Variants in GARNL3 observed in about 807,000 individuals in gnomAD.
GARNL3 encodes GTPase-activating Rap/Ran-GAP domain-like protein 3.
GARNL3 carries 63 observed loss-of-function variants against 125.0 expected under a neutral mutation model. The observed-to-expected ratio is 0.50, with a 90% CI of 0.41 to 0.62. GARNL3 has a LOEUF of 0.62. GARNL3 is among the 20% of genes least tolerant of loss of function. The probability of loss-of-function intolerance (pLI) is 0.00; values close to 1 mark genes in which losing one functional copy is unlikely to be tolerated. For synonymous variants in GARNL3, 439 were observed against 457.5 expected (o/e 0.96, Z 0.52); for missense variants, 994 against 1,244.0 (o/e 0.80, Z 3.02).
Position 127,231,052 on chromosome 9 carries a change from T to TA in GARNL3, c.-29+6714_-29+6715insA, listed in dbSNP as rs1271085624. On this transcript the variant is annotated intron_variant, in intron 1 of 10. Coordinates refer to the GARNL3 transcript ENST00000439286. ...TATATATACATATATATATATATAT[T>TA]TTTTTTTTTTTTTTTTTTTTGAGAC... Among the ~76,000 whole-genome samples the TA allele has an allele frequency of 6.2e-3, 448 of 72,592 alleles. 1 individual carries two copies. Among genetic ancestry groups the TA allele is most frequent in the East Asian group, 0.025 (59 of 2,378 alleles). The allele number at this position is 72,592 out of a possible 152,430, so 47.6% of individuals were successfully genotyped here.
intron 1 of GARNL3, among the ~76,000 whole-genome samples, chr9:127,270,366 A>G (rs1016876085): frequency 2.6e-5 from 4 of 152,188 alleles, no homozygotes; most frequent in African/African-American, 9.7e-5. Context: ...TCAGCTGTTC[A>G]TTGTACTTCA....
intron 1 of GARNL3, among the ~76,000 whole-genome samples, chr9:127,289,155 C>T (rs536183282): frequency 6.6e-6 from 1 of 152,284 alleles, no homozygotes; most frequent in South Asian, 2.1e-4. Flanking sequence ...ACGGCAGTGA[C>T]CCTATGATAT....
chr9:127,277,816 TG>T (rs1452552447), intron 1 of GARNL3, among the ~76,000 whole-genome samples: 2 of 152,200 alleles, frequency 1.3e-5, no homozygotes, highest in African/African-American at 4.8e-5. Context: ...GATTCCCCTA[TG>T]GGAAAGTCAT....
chr9:127,318,962 A>G (rs1399116015), intron 5 of GARNL3, among the ~76,000 whole-genome samples: 1 of 152,232 alleles, frequency 6.6e-6, no homozygotes, highest in South Asian at 2.1e-4. Context: ...GCTGGAGTCC[A>G]TGTGACTCCA....
intron 22 of GARNL3, among the ~76,000 whole-genome samples, chr9:127,380,202 G>GTGTGTGTC (rs1422160784): frequency 5.0e-5 from 7 of 139,068 alleles, no homozygotes; most frequent in African/African-American, 1.8e-4. Flanking sequence ...CAAAAAATAT[G>GTGTGTGTC]TGTGTGTGTG....
chr9:127,383,233 C>T (rs1832364007), intron 22 of GARNL3, among the ~76,000 whole-genome samples: 2 of 152,218 alleles, frequency 1.3e-5, no homozygotes, highest in Admixed American at 6.5e-5. Flanking sequence ...AAAACAGCAG[C>T]TCTTATTATT....
In GARNL3 at chr9:127,355,211, G is replaced by A. The variant is rs1830622588; in HGVS notation, c.1760-86G>A. On this transcript the variant is annotated intron_variant, in intron 19 of 27. Coordinates refer to ENST00000373387, the MANE Select transcript of GARNL3 (RefSeq NM_032293.5). ...CACTGAGTTATGCTTAATTTCCAGG[G>A]TTCCTAGGTATTGCCAAATTGTCAA... 4 of 1,069,538 alleles carry A rather than the reference G, an allele frequency of 3.7e-6. No individual in the cohort carries two copies. The East Asian group carries it at 7.1e-5, about 19-fold the overall frequency. 66.3% of individuals were successfully genotyped at this position (1,069,538 alleles called of 1,614,324 possible).
chr9:127,338,142 C>G lies in GARNL3; in HGVS notation c.1009C>G (p.Gln337Glu). The part of the protein sequence containing the change: ...THIFALVRYN[Q>E]QNDNYRLKIF... ...TATTTTTGCCTTAGTGAGATACAAT[C>G]AACAAAATGACAATTACAGGTAGGT... Residue 337 changes from glutamine to glutamate, a missense_variant, in exon 12 of 28, where the codon CAA becomes GAA. Physicochemically the swap from Gln to Glu is conservative, Grantham distance 29. Transcript: ENST00000373387. The G allele has an allele frequency of 6.2e-6, 10 of 1,611,620 alleles. No homozygotes were observed. The highest frequency in any genetic ancestry group is 8.5e-6 in the Non-Finnish European group (10 of 1,177,720).
chr9:127,262,446 C>G (rs1479287802), upstream of GARNL3, among the ~76,000 whole-genome samples: 1 of 152,204 alleles, frequency 6.6e-6, no homozygotes, highest in Non-Finnish European at 1.5e-5. Flanking sequence ...AGATCAGGCA[C>G]ATTTCAGAGG....
At position 127,355,304 on chromosome 9, in the gene GARNL3, C is replaced by T. The variant is rs776279918; in HGVS notation, c.1767C>T (p.His589=). The change falls in exon 20 of 28, where the codon CAC becomes CAT. Residue 589 remains histidine, a synonymous_variant. Transcript: ENST00000373387. ...ENKLEKTKGC[H]LYAINTHHSR... ...ATTTCTTTCTCCTCCCAGGCTGCCA[C>T]CTGTATGCTATTAACACTCACCACA... The T allele has an allele frequency of 3.6e-5, 58 of 1,613,966 alleles. 2 individuals are homozygous for T. In the South Asian group the frequency reaches 6.0e-4, roughly 17 times the overall value.
At chr9:127,297,839 AG>A (rs1447966376) in intron 2 of GARNL3, among the ~76,000 whole-genome samples, 2 of 152,230 alleles carry the variant, frequency 1.3e-5, no homozygotes, top group Non-Finnish European at 2.9e-5. Context: ...AGTTTCTTAA[AG>A]CTGTCTATAG....
chr9:127,336,660 A>G (rs1231373643), intron 11 of GARNL3, among the ~76,000 whole-genome samples: 6 of 152,230 alleles, frequency 3.9e-5, no homozygotes, highest in African/African-American at 1.4e-4. Flanking sequence ...TTGTATTACC[A>G]TCTCTTGAAA....
At chr9:127,234,692 T>C (rs2063079228) in intron 1 of GARNL3, among the ~76,000 whole-genome samples, 1 of 152,164 alleles carries the variant, frequency 6.6e-6, no homozygotes, top group Non-Finnish European at 1.5e-5. Context: ...TAAACAGAAA[T>C]TTATTGTTCA....
chr9:127,292,315 A>G (rs895636227), intron 2 of GARNL3, among the ~76,000 whole-genome samples: 1 of 152,176 alleles, frequency 6.6e-6, no homozygotes, highest in African/African-American at 2.4e-5. Context: ...AGAAGAAGGA[A>G]CTCATGGAGA....
intron 2 of GARNL3, among the ~76,000 whole-genome samples, chr9:127,309,741 C>G (rs550144492): frequency 6.8e-5 from 10 of 146,076 alleles, no homozygotes; most frequent in Non-Finnish European, 1.5e-4. Context: ...CAGTTGCCCC[C>G]CAAAAAAAGC....
chr9:127,305,628 AGTATCACTATCAT>A, intron 2 of GARNL3, among the ~76,000 whole-genome samples: 1 of 152,122 alleles, frequency 6.6e-6, no homozygotes, highest in South Asian at 2.1e-4. Flanking sequence ...GCTGGAGTGC[AGTATCACTATCAT>A]GGCTCACTGC....
rs535333154 is a variant in GARNL3, at chr9:127,355,404, G to C, written c.1867G>C (p.Gly623Arg). The C allele has an allele frequency of 1.9e-6, 3 of 1,614,078 alleles. No homozygotes were observed. Reference protein sequence around the residue: ...LITRKHNKPSGVTSTSLLSPL... With the variant: ...LITRKHNKPSRVTSTSLLSPL... ...CACAAGAAAACACAACAAGCCAAGC[G>C]GGGTCACCAGCACCTCATTGTTATC... Residue 623 changes from glycine to arginine, a missense_variant, in exon 20 of 28, where the codon GGG (glycine) becomes CGG (arginine). Coordinates refer to ENST00000373387, the MANE Select transcript of GARNL3 (RefSeq NM_032293.5).
At chr9:127,277,848 A>G (rs568156993) in intron 1 of GARNL3, among the ~76,000 whole-genome samples, 1 of 152,136 alleles carries the variant, frequency 6.6e-6, no homozygotes, top group South Asian at 2.1e-4. Flanking sequence ...CTAGAACCCC[A>G]CAATTGTTTG....
chr9:127,319,490 A>T (rs372701703), intron 5 of GARNL3, among the ~76,000 whole-genome samples: 17 of 148,604 alleles, frequency 1.1e-4, no homozygotes, highest in East Asian at 3.9e-4. Context: ...TCAAAAAAAT[A>T]AAAAAAAAAG....
Sources: gnomAD v4.1 joint callset for allele counts (sites outside exome capture counted in the v4.1 genomes callset) on GRCh38, gnomAD v4.1.1 for gene constraint, MANE v1.5 for transcripts, NCBI Gene and HGNC (gene_info 2026-07-23, HGNC 2026-07-21) for gene names.